TGS1: variants seen among roughly 807,000 people sequenced by gnomAD.
TGS1 encodes trimethylguanosine synthase.
Under a neutral mutation model 92.2 loss-of-function variants are expected in TGS1, and 69 were observed. The observed-to-expected ratio is 0.75, with a 90% CI of 0.62 to 0.91. The LOEUF (loss-of-function observed/expected upper bound fraction) is 0.91. Ranked by LOEUF, TGS1 falls within the 40% of genes least tolerant of loss-of-function variation. The pLI is 0.00. For missense variants in TGS1, 1,062 were observed against 1,001.2 expected (o/e 1.06, Z -0.82); for synonymous variants, 345 against 338.1 (o/e 1.02, Z -0.22).
At chr8:55,792,928 A>T (rs1004162650) in intron 6 of TGS1, 144 bp downstream of exon 6, 9 of 611,806 alleles carry the variant, frequency 1.5e-5, no homozygotes, top group Non-Finnish European at 2.6e-5. Context: ...TGTGGTAGAG[A>T]TATCCCTGTA....
At chr8:55,822,389 T>A (rs192610467) in intron 12 of TGS1, among the ~76,000 whole-genome samples, 19 of 152,186 alleles carry the variant, frequency 1.2e-4, no homozygotes, top group African/African-American at 4.6e-4. Context: ...CTTTTTAAAT[T>A]AATGCAGCAA....
At chr8:55,808,070 C>T (rs568684645) in intron 10 of TGS1, among the ~76,000 whole-genome samples, 1 of 152,282 alleles carries the variant, frequency 6.6e-6, no homozygotes, top group East Asian at 1.9e-4. Flanking sequence ...TCAAATTGCA[C>T]TGAAAATGAT....
intron 8 of TGS1, 25 bp downstream of exon 8, chr8:55,799,245 G>A: frequency 8.3e-6 from 13 of 1,562,542 alleles, no homozygotes; most frequent in Non-Finnish European, 1.0e-5. Flanking sequence ...GCTTCAACTT[G>A]CTAATGGATT....
chr8:55,799,584 CT>C (rs372460361), intron 8 of TGS1, among the ~76,000 whole-genome samples: 34 of 152,128 alleles, frequency 2.2e-4, no homozygotes, highest in African/African-American at 7.9e-4. Context: ...TTACTTCTTC[CT>C]TTTTTTGTGT....
rs187061862 is a variant in TGS1, at chr8:55,803,402, G to T, written c.1999+796G>T. 8.8e-4 allele frequency among the ~76,000 whole-genome samples: 134 copies of T among 152,208 alleles called. 1 individual carries two copies. Among genetic ancestry groups the T allele is most frequent in the South Asian group, 3.7e-3 (18 of 4,818 alleles). ...TCATATTGGGGTTACCTAAATATTG[G>T]TTTTTATTAACTATCAAAATCAGAA... is the stretch of plus-strand genomic sequence containing the variant. On this transcript the variant is annotated intron_variant, in intron 9 of 12. Transcript: ENST00000260129.
chr8:55,803,638 C>A (rs555276386), intron 9 of TGS1, among the ~76,000 whole-genome samples: 10 of 151,722 alleles, frequency 6.6e-5, no homozygotes, highest in African/African-American at 2.2e-4. Context: ...AAAATTAACG[C>A]ACATTATTTT....
chr8:55,795,259 C>T (rs1812005251), intron 6 of TGS1, among the ~76,000 whole-genome samples: 1 of 151,978 alleles, frequency 6.6e-6, no homozygotes, highest in Non-Finnish European at 1.5e-5. Flanking sequence ...TTTAGAGCAC[C>T]CAATTCTACT....
chr8:55,818,698 T>C (rs1168427904), intron 12 of TGS1, among the ~76,000 whole-genome samples: 2 of 152,244 alleles, frequency 1.3e-5, no homozygotes, highest in Non-Finnish European at 2.9e-5. Context: ...TTTGCTGAAA[T>C]GCTTCTAAAT....
intron 12 of TGS1, among the ~76,000 whole-genome samples, chr8:55,815,554 C>T (rs1484126831): frequency 2.6e-5 from 4 of 152,138 alleles, no homozygotes; most frequent in Non-Finnish European, 5.9e-5. Context: ...TCACTGTCTG[C>T]TGTTTGAAAC....
chr8:55,795,573 A>G (rs1365494712), intron 6 of TGS1, among the ~76,000 whole-genome samples: 2 of 152,214 alleles, frequency 1.3e-5, no homozygotes, highest in Non-Finnish European at 2.9e-5. Context: ...TGATTTAGAT[A>G]ATTCAAATGT....
intron 1 of TGS1, among the ~76,000 whole-genome samples, chr8:55,776,799 A>C (rs533609640): frequency 6.6e-6 from 1 of 152,280 alleles, no homozygotes; most frequent in Admixed American, 6.5e-5. Flanking sequence ...TACATTTTGT[A>C]CTGACAGAGA....
chr8:55,781,194 T>C (rs1461857212), intron 1 of TGS1, among the ~76,000 whole-genome samples: 1 of 152,196 alleles, frequency 6.6e-6, no homozygotes, highest in Non-Finnish European at 1.5e-5. Context: ...TGTAACACTT[T>C]TAAAAACTAT....
At chr8:55,792,101 T>C (rs1563456497) in intron 5 of TGS1, among the ~76,000 whole-genome samples, 1 of 152,246 alleles carries the variant, frequency 6.6e-6, no homozygotes, top group Non-Finnish European at 1.5e-5. Flanking sequence ...GTGTGTTCAA[T>C]GAGCGTAACT....
At position 55,799,040 on chromosome 8, in the gene TGS1, A is replaced by T. The variant is rs375596621; in HGVS notation, c.1669A>T (p.Lys557Ter). The T allele has an allele frequency of 6.2e-7, 1 of 1,614,114 alleles. No individual in the cohort carries two copies. Among genetic ancestry groups the T allele is most frequent in the Non-Finnish European group, 8.5e-7 (1 of 1,179,956 alleles). The change falls in exon 8 of 13, where the codon AAA (lysine) becomes TAA (stop). Residue 557 changes from lysine to a stop codon, truncating the protein, a stop_gained. Transcript: ENST00000260129. LOFTEE classifies it high-confidence loss of function. ...SDSEEQDMSV[K>*]KGDDLLETNN... Reference sequence around the variant, plus strand: ...TTCAGAGGAACAAGACATGTCTGTTAAAAAAGGTGATGACCTACTGGAGAC... The same window carrying T: ...TTCAGAGGAACAAGACATGTCTGTTTAAAAAGGTGATGACCTACTGGAGAC...
Position 55,785,064 on chromosome 8 carries a change from TG to T in TGS1, c.167-654del, listed in dbSNP as rs1184304481. 7.4e-3 allele frequency among the ~76,000 whole-genome samples: 1,112 copies of T among 149,790 alleles called. 34 individuals carry two copies. Among genetic ancestry groups the T allele is most frequent in the African/African-American group, 0.026 (1,042 of 39,870 alleles). On this transcript the variant is annotated intron_variant, in intron 2 of 12. Transcript: ENST00000260129. ...CTGTCAATTGGTGTTTTTTGTTTTT[TG>T]TTTTTTGTTTTTTTTTTGAGACAGA...
intron 7 of TGS1, among the ~76,000 whole-genome samples, chr8:55,797,337 C>A (rs1407775659): frequency 6.6e-6 from 1 of 152,116 alleles, no homozygotes; most frequent in African/African-American, 2.4e-5. Flanking sequence ...GGAGAAACTG[C>A]CCCCATGATT....
chr8:55,779,608 G>A (rs1479195971), intron 1 of TGS1, among the ~76,000 whole-genome samples: 2 of 152,140 alleles, frequency 1.3e-5, no homozygotes, highest in African/African-American at 4.8e-5. Flanking sequence ...CTTAATTCAC[G>A]GCCCACAGTA....
chr8:55,824,816 C>A lies in TGS1; in HGVS notation c.*113C>A. The A allele has an allele frequency of 8.1e-7, 1 of 1,229,994 alleles. No homozygotes were observed. The highest frequency in any genetic ancestry group is 1.6e-5 in the South Asian group (1 of 62,252). 76.2% of individuals were successfully genotyped at this position (1,229,994 alleles called of 1,614,324 possible). A position where few individuals can be genotyped will look rare whatever the true frequency, so the allele number is the denominator to read the frequency against. On this transcript the variant is annotated 3_prime_UTR_variant, in exon 13 of 13. Transcript: ENST00000260129. ...TTTTCTACCCATGGTCTTATATCAC[C>A]GTATGAAATGGAAACTTACAGGACT...
At chr8:55,808,226 G>A (rs1056994907) in intron 10 of TGS1, among the ~76,000 whole-genome samples, 1 of 152,078 alleles carries the variant, frequency 6.6e-6, no homozygotes, top group African/African-American at 2.4e-5. Flanking sequence ...TCATATTTAC[G>A]AGAGTAGTGG....
Sources: gnomAD v4.1 joint callset for allele counts (sites outside exome capture counted in the v4.1 genomes callset) on GRCh38, gnomAD v4.1.1 for gene constraint, MANE v1.5 for transcripts, NCBI Gene and HGNC (gene_info 2026-07-23, HGNC 2026-07-21) for gene names.